Variants in GREB1L observed in about 807,000 individuals in gnomAD.
GREB1L encodes GREB1 like retinoic acid receptor coactivator, also known as GREB1-like protein.
In GREB1L, 17 loss-of-function variants were observed where a neutral mutation model predicts 200.8. That is an observed-to-expected ratio of 0.08 (90% CI 0.06 to 0.13). The LOEUF (loss-of-function observed/expected upper bound fraction) is 0.13, where lower values mean the gene tolerates loss of function less well. Ranked by LOEUF, GREB1L falls within the 10% of genes least tolerant of loss-of-function variation. GREB1L has a pLI of 1.00. For synonymous variants in GREB1L, 789 were observed against 893.0 expected (o/e 0.88, Z 2.08); for missense variants, 1,657 against 2,367.7 (o/e 0.70, Z 6.23).
intron 5 of GREB1L, among the ~76,000 whole-genome samples, chr18:21,396,832 T>A (rs550299293): frequency 1.2e-3 from 176 of 152,324 alleles, no homozygotes; most frequent in African/African-American, 4.0e-3. Flanking sequence ...TTTTAAATAA[T>A]TAAAAAGATA....
chr18:21,464,566 C>T (rs1236261056), intron 15 of GREB1L, among the ~76,000 whole-genome samples: 5 of 143,240 alleles, frequency 3.5e-5, no homozygotes, highest in Non-Finnish European at 7.6e-5. Context: ...AAAAAAAAGT[C>T]AGGGAACAAA....
At chr18:21,256,927 C>A (rs942214154) in intron 1 of GREB1L, among the ~76,000 whole-genome samples, 7 of 151,186 alleles carry the variant, frequency 4.6e-5, no homozygotes, top group African/African-American at 1.7e-4. Context: ...ATTGTTTGAA[C>A]CCGGGAGGTG....
At chr18:21,442,894 T>A (rs1331878833) in intron 10 of GREB1L, among the ~76,000 whole-genome samples, 5 of 151,614 alleles carry the variant, frequency 3.3e-5, no homozygotes, top group Non-Finnish European at 5.9e-5. Context: ...GTATTGTCAT[T>A]TGTTTCTGTT....
chr18:21,303,124 T>C (rs1422937462), intron 1 of GREB1L, among the ~76,000 whole-genome samples: 1 of 152,178 alleles, frequency 6.6e-6, no homozygotes, highest in Non-Finnish European at 1.5e-5. Flanking sequence ...CCCAAAGTGC[T>C]GGGAGCCACC....
intron 7 of GREB1L, among the ~76,000 whole-genome samples, chr18:21,424,688 CAAA>C (rs546922564): frequency 6.6e-6 from 1 of 152,018 alleles, no homozygotes. Context: ...CAATAAAAAA[CAAA>C]AAGTGTACAA....
Position 21,401,302 on chromosome 18 carries a change from A to G in GREB1L, c.685A>G (p.Lys229Glu), listed in dbSNP as rs1323217250. 1.3e-6 allele frequency: 2 copies of G among 1,551,216 alleles called. No homozygotes were observed. The highest frequency in any genetic ancestry group is 2.4e-5 in the South Asian group (2 of 83,964). Residue 229 changes from lysine (K) to glutamate (E), a missense_variant, in exon 6 of 33, where the codon AAA becomes GAA. Lys to Glu is a moderately conservative substitution (Grantham distance 56, BLOSUM62 1). Around this residue, in one of 9 missense-constraint regions of GREB1L, gnomAD observed 70 missense variants for 151.3 expected, o/e 0.46. Transcript: ENST00000424526. ...LVRSSQGVLS[K>E]GPLICWKECR... The stretch of plus-strand genomic sequence containing the variant: ...CAGAAGCTCCCAGGGTGTACTGTCT[A>G]AAGGACCTCTTATCTGCTGGAAAGG...
chr18:21,498,173 T>C (rs2036627988), intron 21 of GREB1L, among the ~76,000 whole-genome samples: 1 of 152,086 alleles, frequency 6.6e-6, no homozygotes, highest in South Asian at 2.1e-4. Context: ...CTCTGACACA[T>C]ACATGCGAAC....
intron 12 of GREB1L, among the ~76,000 whole-genome samples, chr18:21,450,134 T>TA (rs1646308198): frequency 6.6e-6 from 1 of 152,228 alleles, no homozygotes; most frequent in Admixed American, 6.5e-5. Flanking sequence ...TTGGAAATGT[T>TA]ACTACTCTAG....
intron 1 of GREB1L, among the ~76,000 whole-genome samples, chr18:21,349,142 C>T (rs192155594): frequency 6.6e-6 from 1 of 152,184 alleles, no homozygotes; most frequent in Non-Finnish European, 1.5e-5. Context: ...TTCCTAGACT[C>T]CTGCAGAAAC....
intron 1 of GREB1L, among the ~76,000 whole-genome samples, chr18:21,264,693 C>A (rs1258382803): frequency 6.7e-6 from 1 of 149,344 alleles, no homozygotes; most frequent in African/African-American, 2.5e-5. Flanking sequence ...CACCCTTCAC[C>A]CCCGCCCCAC....
At position 21,432,705 on chromosome 18, in the gene GREB1L, CT is replaced by C. The variant is rs11380208; in HGVS notation, c.833-6797del. 7.3e-3 allele frequency among the ~76,000 whole-genome samples: 691 copies of C among 94,346 alleles called. 2 individuals carry two copies. Among genetic ancestry groups the C allele is most frequent in the Middle Eastern group, 0.016 (2 of 128 alleles). 61.9% of individuals were successfully genotyped at this position (94,346 alleles called of 152,430 possible). On this transcript the variant is annotated intron_variant, in intron 7 of 32. Coordinates refer to ENST00000424526, the MANE Select transcript of GREB1L (RefSeq NM_001142966.3). ...AATTATTTAACATTTTCTTTTTTTT[CT>C]TTTTTTTTTTTTTTTTTTGAGACAG...
chr18:21,515,637 T>C lies in GREB1L; in HGVS notation c.5122T>C (p.Phe1708Leu), dbSNP rs968882539. The C allele has an allele frequency of 5.8e-6, 9 of 1,550,410 alleles. No individual in the cohort carries two copies. The highest frequency in any genetic ancestry group is 7.9e-6 in the Non-Finnish European group (9 of 1,145,850). ...TDLTQNVQYDFNRYFCEDADF... is the reference protein window; with the variant it reads ...TDLTQNVQYDLNRYFCEDADF... ...CTTGACTCAGAATGTGCAGTATGAC[T>C]TCAACAGGTAAGTCAGGCCTCATGG... is the stretch of plus-strand genomic sequence containing the variant. Residue 1708 changes from phenylalanine (F) to leucine (L), a missense_variant, in exon 29 of 33, where the codon TTC (phenylalanine) becomes CTC (leucine). By Grantham distance (22) the Phe-to-Leu change is conservative. Around this residue, in one of 9 missense-constraint regions of GREB1L, gnomAD observed 151 missense variants for 309.6 expected, o/e 0.49. Transcript: ENST00000424526.
At chr18:21,266,477 G>A (rs1484010386) in intron 1 of GREB1L, among the ~76,000 whole-genome samples, 1 of 152,190 alleles carries the variant, frequency 6.6e-6, no homozygotes, top group African/African-American at 2.4e-5. Context: ...ATTTTGTGGT[G>A]AGCCTTGGGC....
chr18:21,429,109 C>CCCTTCCTTCCTTCCTT (rs138864682), intron 7 of GREB1L, among the ~76,000 whole-genome samples: 11 of 109,988 alleles, frequency 1.0e-4, no homozygotes, highest in African/African-American at 3.4e-4. Flanking sequence ...AAACTATTCT[C>CCCTTCCTTCCTTCCTT]CCTTCCTTCC....
chr18:21,454,925 C>T (rs2034686519), intron 15 of GREB1L: 2 of 325,404 alleles, frequency 6.1e-6, no homozygotes, highest in East Asian at 1.6e-4. Flanking sequence ...ACCTGCAGGC[C>T]TCATTTGCAT....
chr18:21,470,293 A>AT (rs993447137), intron 15 of GREB1L, among the ~76,000 whole-genome samples: 2 of 151,728 alleles, frequency 1.3e-5, no homozygotes, highest in Non-Finnish European at 2.9e-5. Flanking sequence ...GTCTCTTTAA[A>AT]TTTTTTTTTA....
chr18:21,399,453 T>TTGGATGGATGGATGGATGGA (rs111906534), intron 5 of GREB1L, among the ~76,000 whole-genome samples: 19 of 146,086 alleles, frequency 1.3e-4, no homozygotes, highest in African/African-American at 4.1e-4. Context: ...GGATGGATGG[T>TTGGATGGATGGATGGATGGA]TGGATGGATG....
intron 1 of GREB1L, among the ~76,000 whole-genome samples, chr18:21,288,683 A>G (rs1184214111): frequency 1.3e-5 from 2 of 152,110 alleles, no homozygotes; most frequent in Non-Finnish European, 2.9e-5. Context: ...TATGCTGTTT[A>G]CAAAAAGCAG....
At chr18:21,434,078 C>T (rs2033351159) in intron 7 of GREB1L, among the ~76,000 whole-genome samples, 1 of 152,072 alleles carries the variant, frequency 6.6e-6, no homozygotes, top group African/African-American at 2.4e-5. Flanking sequence ...AAGCAACTTT[C>T]TTTCAGAGAA....
Sources: allele counts gnomAD v4.1 joint callset (sites outside exome capture counted in the v4.1 genomes callset), GRCh38; gene constraint gnomAD v4.1.1; regional missense constraint gnomAD v4.1.1; transcripts MANE v1.5; gene names NCBI Gene and HGNC (gene_info 2026-07-23, HGNC 2026-07-21).